Variants in ZNF888 observed in about 807,000 individuals in gnomAD.
The protein encoded by ZNF888 is zinc finger protein 888.
ZNF888 carries 5 observed loss-of-function variants against 7.2 expected under a neutral mutation model. The observed-to-expected ratio is 0.70, with a 90% CI of 0.36 to 1.46. The LOEUF (loss-of-function observed/expected upper bound fraction) is 1.46. Among genes scored for constraint, ZNF888 ranks in the 40% most tolerant of loss-of-function variants. ZNF888 has a pLI of 0.03. For missense variants in ZNF888, 716 were observed against 858.0 expected, an observed-to-expected ratio of 0.83 and a Z score of 2.07; for synonymous variants, 240 against 284.3, an observed-to-expected ratio of 0.84 and a Z score of 1.57.
intron 1 of ZNF888, among the ~76,000 whole-genome samples, chr19:52,922,654 T>C (rs2064835100): frequency 6.6e-6 from 1 of 152,192 alleles, no homozygotes; most frequent in South Asian, 2.1e-4. Flanking sequence ...CTTCTTCTTT[T>C]ATCTGTCTCA....
intron 4 of ZNF888, among the ~76,000 whole-genome samples, chr19:52,913,565 G>A (rs554042269): frequency 4.2e-4 from 64 of 152,010 alleles, no homozygotes; most frequent in Non-Finnish European, 7.5e-4. Flanking sequence ...CAGGTGATCC[G>A]CCCCCGGCTC....
In ZNF888 at chr19:52,920,532, GGA is replaced by G. The variant is rs1491194169; in HGVS notation, c.-177-1597_-177-1596del. Among the ~76,000 whole-genome samples, 17 of 16,482 alleles carry G rather than the reference GGA, an allele frequency of 1.0e-3. 4 individuals are homozygous for G. The highest frequency in any genetic ancestry group is 4.7e-3 in the South Asian group (2 of 426). The allele number at this position is 16,482 out of a possible 152,430, so 10.8% of individuals were successfully genotyped here. A position where few individuals can be genotyped will look rare whatever the true frequency, so the allele number is the denominator to read the frequency against. Reference sequence around the variant, plus strand: ...AAAAAAAAAAGAAAAAAAAAGAAAAGGAAAAAAAAAAAAAAAAGGAATTATTT... The same window carrying G: ...AAAAAAAAAAGAAAAAAAAAGAAAAGAAAAAAAAAAAAAAAGGAATTATTT... On this transcript the variant is annotated intron_variant, in intron 1 of 4. Transcript: ENST00000638862.
intron 4 of ZNF888, among the ~76,000 whole-genome samples, chr19:52,913,513 T>C (rs2064710364): frequency 6.6e-6 from 1 of 152,002 alleles, no homozygotes; most frequent in Non-Finnish European, 1.5e-5. Flanking sequence ...ATACTACAGA[T>C]GAAGTTTCAG....
In ZNF888 at chr19:52,907,196, G is replaced by A; in HGVS notation, c.1126C>T (p.His376Tyr). 4 of 1,612,394 alleles carry A rather than the reference G, an allele frequency of 2.5e-6. No homozygotes were observed. Among genetic ancestry groups the A allele is most frequent in the Non-Finnish European group, 2.5e-6 (3 of 1,179,622 alleles). The stretch of plus-strand genomic sequence containing the variant: ...CATTTGTATGGTTTCTCACCAGTGT[G>A]AATTCTCCTATGTCTTTCAAGGTAT... ...KSYLERHRRI[H>Y]TGEKPYKCKV... Residue 376 changes from histidine to tyrosine, a missense_variant, in exon 5 of 5, where the codon CAC (histidine) becomes TAC (tyrosine). Physicochemically the swap from His to Tyr is moderately conservative, Grantham distance 83 (BLOSUM62 2). Transcript: ENST00000638862.
rs2064599497 is a variant in ZNF888 at position 52,905,688 on chromosome 19, C to G, written c.*477G>C. ...ACGTTAAGTCAACTCAAACTCAAGT[C>G]AATGCTGAACTGACTCTAGTGTCAA... On this transcript the variant is annotated 3_prime_UTR_variant, in exon 5 of 5. Transcript: ENST00000638862. 6 of 419,082 alleles carry G rather than the reference C, an allele frequency of 1.4e-5. No individual in the cohort carries two copies. The highest frequency in any genetic ancestry group is 4.8e-6 in the Non-Finnish European group (1 of 207,944). The allele number at this position is 419,082 out of a possible 1,614,324, so 26.0% of individuals were successfully genotyped here.
In ZNF888 at chr19:52,906,917, T is replaced by C. The variant is rs1456209424; in HGVS notation, c.1405A>G (p.Lys469Glu). The change falls in exon 5 of 5, where the codon AAA (lysine) becomes GAA (glutamate). Residue 469 changes from lysine (K) to glutamate (E), a missense_variant. Transcript: ENST00000638862. ...CGACTGAAAACTTTGTCACATTCTTTACATTTGTAAGGTTTCTCTCCAGTA... is the reference window on the plus strand; with the variant it reads ...CGACTGAAAACTTTGTCACATTCTTCACATTTGTAAGGTTTCTCTCCAGTA... ...LHTGEKPYKCKECDKVFSRKS... is the reference protein window; with the variant it reads ...LHTGEKPYKCEECDKVFSRKS... The C allele has an allele frequency of 1.7e-5, 28 of 1,612,744 alleles. No homozygotes were observed. The highest frequency in any genetic ancestry group is 1.2e-4 in the African/African-American group (9 of 74,552).
Position 52,906,662 on chromosome 19 carries a change from C to T in ZNF888, c.1660G>A (p.Glu554Lys). ...HTGEKRYKCNECGKSFNHKSS... is the reference protein window; with the variant it reads ...HTGEKRYKCNKCGKSFNHKSS... Reference sequence around the variant, plus strand: ...TTGTGATTAAAACTTTTGCCACATTCATTACACTTGTAACGTTTCTCTCCA... The same window carrying T: ...TTGTGATTAAAACTTTTGCCACATTTATTACACTTGTAACGTTTCTCTCCA... The change falls in exon 5 of 5, where the codon GAA (glutamate) becomes AAA (lysine). Residue 554 changes from glutamate (E) to lysine (K), a missense_variant. This residue lies in a region of ZNF888 where 697 missense variants were observed against 803.4 expected (regional missense o/e 0.87). Transcript: ENST00000638862. The T allele has an allele frequency of 6.2e-7, 1 of 1,613,886 alleles. No homozygotes were observed. The highest frequency in any genetic ancestry group is 1.1e-5 in the South Asian group (1 of 91,070).
intron 2 of ZNF888, 64 bp from the exon 3 acceptor site, chr19:52,917,995 T>G (rs1204916743): frequency 1.3e-6 from 2 of 1,566,010 alleles, no homozygotes. Flanking sequence ...ACATACCCCC[T>G]CCCTGTAAAA....
chr19:52,912,315 A>T lies in ZNF888; in HGVS notation c.142+2881T>A, dbSNP rs146986053. 4.8e-4 allele frequency among the ~76,000 whole-genome samples: 64 copies of T among 133,922 alleles called. 1 individual carries two copies. The highest frequency in any genetic ancestry group is 4.8e-3 in the Middle Eastern group (1 of 208). 87.9% of individuals were successfully genotyped at this position (133,922 alleles called of 152,430 possible). A position where few individuals can be genotyped will look rare whatever the true frequency, so the allele number is the denominator to read the frequency against. On this transcript the variant is annotated intron_variant, in intron 4 of 4. Transcript: ENST00000638862. ...TTTTTAGTAGAGATGGGGTTTCACC[A>T]TGTTAGCCAGGATGGCCTCTATCTC...
Position 52,906,235 on chromosome 19 carries a change from C to T in ZNF888, c.2087G>A (p.Gly696Asp). The change falls in exon 5 of 5, where the codon GGC becomes GAC. Residue 696 changes from glycine to aspartate, a missense_variant. Gly to Asp is a moderately conservative substitution (Grantham distance 94, BLOSUM62 -1). Coordinates refer to ENST00000638862, the MANE Select transcript of ZNF888 (RefSeq NM_001393938.1). ...TGTTGACTGTGCACGAAAGGCTTTG[C>T]CACACTCACTACACTTGAAAGGTTT... ...GEKPFKCSECGKAFRAQSTLI... is the reference protein window; with the variant it reads ...GEKPFKCSECDKAFRAQSTLI... 18 of 1,610,140 alleles carry T rather than the reference C, an allele frequency of 1.1e-5. No individual in the cohort carries two copies. The highest frequency in any genetic ancestry group is 1.4e-5 in the Non-Finnish European group (16 of 1,177,858).
rs1417416837 is a variant in ZNF888 at position 52,923,395 on chromosome 19, C to T, written c.-204G>A. The T allele has an allele frequency of 1.0e-5, 10 of 985,518 alleles. No homozygotes were observed. The highest frequency in any genetic ancestry group is 2.3e-4 in the East Asian group (2 of 8,808). The allele number at this position is 985,518 out of a possible 1,614,324, so 61.0% of individuals were successfully genotyped here. On this transcript the variant is annotated 5_prime_UTR_variant, in exon 1 of 5. Coordinates refer to ENST00000638862, the MANE Select transcript of ZNF888 (RefSeq NM_001393938.1). ...GCCGCAGTGTGACTTCCAGTCCACG[C>T]GATCCGCTTCCTGGTCCGGGCGAAT...
intron 4 of ZNF888, among the ~76,000 whole-genome samples, chr19:52,911,545 A>G (rs529253089): frequency 3.6e-4 from 54 of 151,794 alleles, no homozygotes; most frequent in Admixed American, 1.8e-3. Context: ...TCACCATGTC[A>G]GCCAGGATGG....
intron 4 of ZNF888, among the ~76,000 whole-genome samples, chr19:52,912,282 T>G (rs536353899): frequency 0.018 from 2,615 of 147,420 alleles, 106 homozygotes; most frequent in African/African-American, 0.064. Context: ...CCCGGCTAAT[T>G]TTTTGTATTT....
intron 3 of ZNF888, among the ~76,000 whole-genome samples, chr19:52,916,270 G>C (rs1426656703): frequency 1.3e-5 from 2 of 152,070 alleles, no homozygotes; most frequent in African/African-American, 4.8e-5. Context: ...ATCATGCCAG[G>C]GTGCTCCAGC....
intron 4 of ZNF888, among the ~76,000 whole-genome samples, chr19:52,909,304 G>A (rs10414634): frequency 0.14 from 21,474 of 150,708 alleles, 2,757 homozygotes; most frequent in African/African-American, 0.35. Flanking sequence ...CTGGAGTGCA[G>A]TGGCACAATC....
At chr19:52,909,018 G>A (rs2147924582) in intron 4 of ZNF888, among the ~76,000 whole-genome samples, 1 of 151,838 alleles carries the variant, frequency 6.6e-6, no homozygotes, top group Non-Finnish European at 1.5e-5. Context: ...GGTCGCGGGA[G>A]CCTGTAATCC....
In ZNF888 at chr19:52,906,838, T is replaced by C; in HGVS notation, c.1484A>G (p.Lys495Arg). 6.2e-7 allele frequency: 1 copy of C among 1,613,104 alleles called. No individual in the cohort carries two copies. The highest frequency in any genetic ancestry group is 8.5e-7 in the Non-Finnish European group (1 of 1,179,734). ...GAAAGCCTTGTCACAAACCTTACAT[T>C]TGTATGGTTTCTCACCAGTGTGAAT... Reference protein sequence around the residue: ...RRIHTGEKPYKCKVCDKAFRR... With the variant: ...RRIHTGEKPYRCKVCDKAFRR... Residue 495 changes from lysine to arginine, a missense_variant, in exon 5 of 5, where the codon AAA becomes AGA. By Grantham distance (26) the Lys-to-Arg change is conservative. Around this residue, in one of 2 missense-constraint regions of ZNF888, gnomAD observed 697 missense variants for 803.4 expected, o/e 0.87. Coordinates refer to ENST00000638862, the MANE Select transcript of ZNF888 (RefSeq NM_001393938.1).
At chr19:52,910,232 G>C (rs574867698) in intron 4 of ZNF888, among the ~76,000 whole-genome samples, 1 of 151,468 alleles carries the variant, frequency 6.6e-6, no homozygotes, top group East Asian at 1.9e-4. Flanking sequence ...AGCACTTTTG[G>C]AGGCTGAGGC....
intron 4 of ZNF888, among the ~76,000 whole-genome samples, chr19:52,910,291 G>A (rs978750884): frequency 3.3e-5 from 5 of 151,680 alleles, no homozygotes; most frequent in Non-Finnish European, 5.9e-5. Flanking sequence ...ACAACATGGT[G>A]AAACCCCATC....
Sources: gnomAD v4.1 joint callset for allele counts (sites outside exome capture counted in the v4.1 genomes callset) on GRCh38, gnomAD v4.1.1 for gene constraint, gnomAD v4.1.1 regional missense constraint, MANE v1.5 for transcripts, NCBI Gene and HGNC (gene_info 2026-07-23, HGNC 2026-07-21) for gene names.